Variants in TENM1 observed in about 807,000 individuals in gnomAD.
TENM1 encodes teneurin transmembrane protein 1, also known as teneurin-1.
A neutral mutation model predicts 174.8 loss-of-function variants in TENM1; 35 were observed. The observed-to-expected ratio is 0.20, with a 90% CI of 0.15 to 0.27. The LOEUF is 0.27. Ranked by LOEUF, TENM1 falls within the 10% of genes least tolerant of loss-of-function variation. The pLI, the probability that TENM1 is intolerant of heterozygous loss-of-function variation, is 1.00. For synonymous variants in TENM1, 781 were observed against 798.7 expected, an observed-to-expected ratio of 0.98 and a Z score of 0.37; for missense variants, 1,633 against 2,130.1, an observed-to-expected ratio of 0.77 and a Z score of 4.59.
Position 124,781,727 on chromosome X carries a change from A to G in TENM1, c.536-44530T>C, listed in dbSNP as rs780384282. ...CCCTGATGCAAGTGGCTCCTTAAGC[A>G]TTGCCTTTAGGACCTGACTATCTCT... On this transcript the variant is annotated intron_variant, in intron 3 of 31. Coordinates refer to ENST00000422452, the Ensembl canonical transcript of TENM1. Among the ~76,000 whole-genome samples, 13 of 111,403 alleles carry G rather than the reference A, an allele frequency of 1.2e-4. No individual in the cohort carries two copies. The East Asian group carries it at 3.4e-3, about 29-fold the overall frequency.
the TENM1 span, among the ~76,000 whole-genome samples, chrX:125,124,128 C>G: frequency 8.9e-5 from 10 of 112,120 alleles, no homozygotes; most frequent in African/African-American, 3.2e-4. Context: ...GCACCCAATG[C>G]GTGTATCTTT....
chrX:124,750,241 T>A (rs2054029198), intron 3 of TENM1, among the ~76,000 whole-genome samples: 2 of 111,818 alleles, frequency 1.8e-5, no homozygotes, highest in Admixed American at 9.5e-5. Context: ...TCTTCCCACC[T>A]TCCAACTGAA....
In TENM1 at chrX:124,503,546, A is replaced by T; in HGVS notation, c.3445+14T>A. 8.4e-7 allele frequency: 1 copy of T among 1,189,461 alleles called. No homozygotes were observed. The highest frequency in any genetic ancestry group is 1.1e-6 in the Non-Finnish European group (1 of 884,644). ...AGGAAAGTAGTATTCATACAAATTT[A>T]AAAAGCTACTTACCACTTTGAGGAT... is the stretch of plus-strand genomic sequence containing the variant. On this transcript the variant is annotated intron_variant, in intron 19 of 31. Coordinates refer to ENST00000422452, the Ensembl canonical transcript of TENM1.
the TENM1 span, among the ~76,000 whole-genome samples, chrX:125,067,135 A>C: frequency 4.2e-3 from 471 of 111,206 alleles, 5 homozygotes; most frequent in African/African-American, 0.014. Flanking sequence ...CAGCTCAGAT[A>C]ATCAATATAC....
chrX:124,853,151 T>C (rs73215152), intron 3 of TENM1, among the ~76,000 whole-genome samples: 2,749 of 111,378 alleles, frequency 0.025, 35 homozygotes, highest in Admixed American at 0.039. Flanking sequence ...ATAAGAAAAA[T>C]AAGTCAAAGC....
chrX:124,854,534 G>A (rs1236326784), intron 3 of TENM1, among the ~76,000 whole-genome samples: 1 of 111,661 alleles, frequency 9.0e-6, no homozygotes. Context: ...GATTATTTCA[G>A]ACAGATATTT....
chrX:124,773,565 G>C (rs769305671), intron 3 of TENM1, among the ~76,000 whole-genome samples: 1 of 111,443 alleles, frequency 9.0e-6, no homozygotes, highest in Non-Finnish European at 1.9e-5. Context: ...AACCTGAGTG[G>C]CATGTTCAGG....
At chrX:124,580,006 T>A (rs1014375130) in intron 11 of TENM1, among the ~76,000 whole-genome samples, 1 of 111,453 alleles carries the variant, frequency 9.0e-6, no homozygotes, top group Non-Finnish European at 1.9e-5. Context: ...AGCTGGCATA[T>A]GGATAGGCAT....
chrX:124,474,809 TG>T (rs1479052293), intron 22 of TENM1, among the ~76,000 whole-genome samples: 3 of 112,063 alleles, frequency 2.7e-5, no homozygotes, highest in Non-Finnish European at 5.6e-5. Context: ...CCTCTAATTC[TG>T]GTTGTATAAC....
At chrX:124,555,743 A>G (rs933966533) in intron 14 of TENM1, among the ~76,000 whole-genome samples, 1 of 112,181 alleles carries the variant, frequency 8.9e-6, no homozygotes, top group African/African-American at 3.2e-5. Flanking sequence ...TAGATAACTC[A>G]TTATAAGAAG....
At chrX:124,786,911 A>C (rs1423400460) in intron 3 of TENM1, among the ~76,000 whole-genome samples, 1 of 111,847 alleles carries the variant, frequency 8.9e-6, no homozygotes, top group East Asian at 2.8e-4. Flanking sequence ...AATATGTAAT[A>C]ATAAAAATAT....
At chrX:124,974,009 T>C in the TENM1 span, among the ~76,000 whole-genome samples, 1 of 111,771 alleles carries the variant, frequency 8.9e-6, no homozygotes, top group South Asian at 3.8e-4. Context: ...GATGAGTTGA[T>C]GGGTGCCACC....
At chrX:124,685,561 G>GTTTTTT (rs201481902) in intron 5 of TENM1, among the ~76,000 whole-genome samples, 9 of 94,483 alleles carry the variant, frequency 9.5e-5, no homozygotes, top group African/African-American at 3.6e-4. Flanking sequence ...AAGCAAATCT[G>GTTTTTT]TTTTTTTTTT....
At chrX:124,426,237 C>T (rs768267748) in intron 23 of TENM1, among the ~76,000 whole-genome samples, 22 of 111,728 alleles carry the variant, frequency 2.0e-4, no homozygotes, top group Admixed American at 3.8e-4. Context: ...CACCCTACCA[C>T]TCACTTGTTC....
chrX:125,055,791 C>T, the TENM1 span, among the ~76,000 whole-genome samples: 1 of 111,101 alleles, frequency 9.0e-6, no homozygotes, highest in Non-Finnish European at 1.9e-5. Flanking sequence ...ATAAGTGAAT[C>T]GACGTTGTGT....
At chrX:125,102,235 T>A in the TENM1 span, among the ~76,000 whole-genome samples, 1 of 108,915 alleles carries the variant, frequency 9.2e-6, no homozygotes, top group Non-Finnish European at 1.9e-5. Context: ...CCACTCCTTT[T>A]TTTTTTTTTT....
intron 11 of TENM1, among the ~76,000 whole-genome samples, chrX:124,572,808 AG>A (rs1214465860): frequency 9.0e-6 from 1 of 111,585 alleles, no homozygotes; most frequent in East Asian, 2.8e-4. Context: ...AGCAAAAAAA[AG>A]GTTCCATACT....
At chrX:124,880,408 T>C (rs1417338159) in intron 3 of TENM1, among the ~76,000 whole-genome samples, 1 of 112,431 alleles carries the variant, frequency 8.9e-6, no homozygotes, top group African/African-American at 3.2e-5. Context: ...ATTTATCAAA[T>C]CTAAGAGTTT....
chrX:124,753,582 T>C (rs2054141412), intron 3 of TENM1, among the ~76,000 whole-genome samples: 1 of 106,616 alleles, frequency 9.4e-6, no homozygotes, highest in African/African-American at 3.4e-5. Context: ...TCAAAGGGAA[T>C]GCTTCCAGTT....
Sources: gnomAD v4.1 joint callset for allele counts (sites outside exome capture counted in the v4.1 genomes callset) on GRCh38, gnomAD v4.1.1 for gene constraint, MANE v1.5 for transcripts, NCBI Gene and HGNC (gene_info 2026-07-23, HGNC 2026-07-21) for gene names.